The following CCSER2 variants were observed in gnomAD, a reference collection of about 807,000 sequenced individuals.
CCSER2 encodes the protein coiled-coil serine rich protein 2, also known as serine-rich coiled-coil domain-containing protein 2.
CCSER2 carries 46 observed loss-of-function variants against 92.3 expected under a neutral mutation model. The ratio of observed to expected loss-of-function variants is 0.50; its 90% CI spans 0.39 to 0.64. The LOEUF is 0.64. CCSER2 is among the 30% of genes least tolerant of loss of function. The pLI is 0.00. For synonymous variants in CCSER2, 433 were observed against 431.4 expected, an observed-to-expected ratio of 1.00 and a Z score of -0.04; for missense variants, 1,244 against 1,238.9, an observed-to-expected ratio of 1.00 and a Z score of -0.06.
chr10:84,371,866 A>G lies in CCSER2; in HGVS notation c.814A>G (p.Arg272Gly), dbSNP rs1846078302. 1 of 1,613,840 alleles carries G rather than the reference A, an allele frequency of 6.2e-7. No individual in the cohort carries two copies. The highest frequency in any genetic ancestry group is 8.5e-7 in the Non-Finnish European group (1 of 1,179,874). ...GCCTCTACGGTCAAGTATGCTAACA[A>G]GAAATTCCCGGCAGCCAGAAGTACT... ...RVPLRSSMLT[R>G]NSRQPEVLNG... The change falls in exon 2 of 10, where the codon AGA (arginine) becomes GGA (glycine). Residue 272 changes from arginine to glycine, a missense_variant. Coordinates refer to ENST00000372088, the MANE Select transcript of CCSER2 (RefSeq NM_001284240.2).
At chr10:84,453,593 A>G (rs1016315674) in intron 6 of CCSER2, among the ~76,000 whole-genome samples, 1 of 152,224 alleles carries the variant, frequency 6.6e-6, no homozygotes, top group African/African-American at 2.4e-5. Flanking sequence ...TGTCTATTAT[A>G]TCAGGCTTGT....
At position 84,372,043 on chromosome 10, in the gene CCSER2, T is replaced by C. The variant is rs1166091348; in HGVS notation, c.991T>C (p.Ser331Pro). 2.5e-6 allele frequency: 4 copies of C among 1,613,804 alleles called. No homozygotes were observed. The South Asian group carries it at 4.4e-5, about 18-fold the overall frequency. Residue 331 changes from serine to proline, a missense_variant, in exon 2 of 10, where the codon TCT (serine) becomes CCT (proline). Coordinates refer to ENST00000372088, the MANE Select transcript of CCSER2 (RefSeq NM_001284240.2). ...SLLKSSRSPF[S>P]GTMTVDGNKN... ...ACTGAAATCTAGCCGATCTCCATTT[T>C]CTGGGACTATGACAGTTGATGGAAA... is the stretch of plus-strand genomic sequence containing the variant.
chr10:84,382,574 T>C (rs567890084), intron 3 of CCSER2, among the ~76,000 whole-genome samples: 1 of 152,322 alleles, frequency 6.6e-6, no homozygotes, highest in South Asian at 2.1e-4. Flanking sequence ...GCAGCAATGC[T>C]AGGACAATAC....
intron 9 of CCSER2, among the ~76,000 whole-genome samples, chr10:84,510,209 C>G (rs928336835): frequency 6.6e-6 from 1 of 152,070 alleles, no homozygotes; most frequent in African/African-American, 2.4e-5. Flanking sequence ...CTTTTTTTGC[C>G]TCTGTGTTTG....
In CCSER2 at chr10:84,516,573, A is replaced by AT. The variant is rs1456016331; in HGVS notation, c.*2308dup. ...AAGTTGGTTTAGACCCTTATGAAACATTATTTACGAGTTGGCCTTATCCTT... is the reference window on the plus strand; with the variant it reads ...AAGTTGGTTTAGACCCTTATGAAACATTTATTTACGAGTTGGCCTTATCCTT... On this transcript the variant is annotated 3_prime_UTR_variant, in exon 10 of 10. Coordinates refer to ENST00000372088, the MANE Select transcript of CCSER2 (RefSeq NM_001284240.2). The AT allele has an allele frequency of 6.6e-6, 1 of 152,238 alleles. No individual in the cohort carries two copies. Among genetic ancestry groups the AT allele is most frequent in the Non-Finnish European group, 1.5e-5 (1 of 68,042 alleles). 9.4% of individuals were successfully genotyped at this position (152,238 alleles called of 1,614,324 possible).
Position 84,514,929 on chromosome 10 carries a change from A to G in CCSER2, c.*662A>G, listed in dbSNP as rs1056544850. ...CTTATTACATATAAATCAGTTATAT[A>G]TTCCTTTACATCTTGTTTTACAAAC... is the stretch of plus-strand genomic sequence containing the variant. On this transcript the variant is annotated 3_prime_UTR_variant, in exon 10 of 10. Transcript: ENST00000372088. 3 of 152,824 alleles carry G rather than the reference A, an allele frequency of 2.0e-5. No homozygotes were observed. The highest frequency in any genetic ancestry group is 4.8e-5 in the African/African-American group (2 of 41,584). 9.5% of individuals were successfully genotyped at this position (152,824 alleles called of 1,614,324 possible).
At position 84,477,645 on chromosome 10, in the gene CCSER2, C is replaced by A; in HGVS notation, c.2306C>A (p.Thr769Lys). The change falls in exon 9 of 10, where the codon ACA becomes AAA. Residue 769 changes from threonine (T) to lysine (K), a missense_variant. By Grantham distance (78) the Thr-to-Lys change is moderately conservative. Coordinates refer to ENST00000372088, the MANE Select transcript of CCSER2 (RefSeq NM_001284240.2). ...ACTTATGCTGATAAATATACCCAAA[C>A]ACCCTGGAGACGAATTCCTGTAAGT... ...KCTYADKYTQTPWRRIPPQVL... is the reference protein window; with the variant it reads ...KCTYADKYTQKPWRRIPPQVL... 1 of 1,603,692 alleles carries A rather than the reference C, an allele frequency of 6.2e-7. No homozygotes were observed. The highest frequency in any genetic ancestry group is 8.5e-7 in the Non-Finnish European group (1 of 1,171,064).
intron 1 of CCSER2, among the ~76,000 whole-genome samples, chr10:84,359,181 C>T (rs1845362519): frequency 6.6e-6 from 1 of 151,920 alleles, no homozygotes; most frequent in Non-Finnish European, 1.5e-5. Context: ...TTACTTAATT[C>T]CCCTAGGATG....
intron 6 of CCSER2, among the ~76,000 whole-genome samples, chr10:84,450,009 T>C (rs1417753684): frequency 6.6e-6 from 1 of 152,272 alleles, no homozygotes; most frequent in Non-Finnish European, 1.5e-5. Context: ...AGTTAATGCA[T>C]GTTAGCAGTT....
chr10:84,473,476 T>C (rs917773153), intron 8 of CCSER2, among the ~76,000 whole-genome samples: 3 of 152,230 alleles, frequency 2.0e-5, no homozygotes, highest in Non-Finnish European at 4.4e-5. Context: ...TTGCAAGCAG[T>C]GATCTCTGTA....
intron 3 of CCSER2, among the ~76,000 whole-genome samples, chr10:84,397,321 C>CA (rs1564627934): frequency 6.6e-6 from 1 of 152,072 alleles, no homozygotes. Context: ...TAAAACAGAA[C>CA]AAAAAGAAAA....
At chr10:84,432,268 A>C (rs572717639) in intron 5 of CCSER2, among the ~76,000 whole-genome samples, 5 of 152,136 alleles carry the variant, frequency 3.3e-5, no homozygotes, top group African/African-American at 1.2e-4. Flanking sequence ...CTTTTACTTT[A>C]GATTCAGTGG....
At chr10:84,340,143 A>G (rs1041327126) in intron 1 of CCSER2, among the ~76,000 whole-genome samples, 1 of 152,162 alleles carries the variant, frequency 6.6e-6, no homozygotes, top group Non-Finnish European at 1.5e-5. Context: ...GCACCTGGCC[A>G]TCACTTTATC....
intron 3 of CCSER2, chr10:84,391,664 C>T (rs1841525237): frequency 2.6e-6 from 4 of 1,535,700 alleles, no homozygotes; most frequent in Non-Finnish European, 3.6e-6. Context: ...ACCCAACACA[C>T]CAAAGACATT....
At chr10:84,477,511 C>T in intron 8 of CCSER2, 64 bp from the exon 9 acceptor site, 5 of 773,022 alleles carry the variant, frequency 6.5e-6, no homozygotes, top group South Asian at 1.8e-5. Context: ...TAAAGTTTCT[C>T]TTGTGTGTCT....
intron 3 of CCSER2, among the ~76,000 whole-genome samples, chr10:84,387,741 G>A (rs189792263): frequency 1.2e-3 from 177 of 152,202 alleles, no homozygotes; most frequent in Non-Finnish European, 1.9e-3. Context: ...TGTTAGCCAG[G>A]ATGGTCTCGA....
intron 8 of CCSER2, among the ~76,000 whole-genome samples, chr10:84,474,997 G>A (rs1847051964): frequency 6.6e-6 from 1 of 152,180 alleles, no homozygotes; most frequent in Admixed American, 6.5e-5. Context: ...TTGGAATCCT[G>A]TTGGCTGTCC....
chr10:84,465,948 C>T (rs1366169588), intron 7 of CCSER2, among the ~76,000 whole-genome samples: 1 of 152,134 alleles, frequency 6.6e-6, no homozygotes. Context: ...GACGGGGTTT[C>T]ACCGTGGTCT....
At chr10:84,393,210 G>A (rs530689343) in intron 3 of CCSER2, among the ~76,000 whole-genome samples, 9 of 152,244 alleles carry the variant, frequency 5.9e-5, no homozygotes, top group East Asian at 1.9e-4. Context: ...ATTGCATTGT[G>A]TGTAACCTGC....
Sources: gnomAD v4.1 joint callset for allele counts (sites outside exome capture counted in the v4.1 genomes callset) on GRCh38, gnomAD v4.1.1 for gene constraint, MANE v1.5 for transcripts, NCBI Gene and HGNC (gene_info 2026-07-23, HGNC 2026-07-21) for gene names.